The following CXXC4 variants were observed in gnomAD, a reference collection of about 807,000 sequenced individuals.
CXXC4 encodes the protein CXXC finger protein 4.
CXXC4 carries 5 observed loss-of-function variants against 20.5 expected under a neutral mutation model. The ratio of observed to expected loss-of-function variants is 0.24; its 90% CI spans 0.13 to 0.51. The LOEUF (loss-of-function observed/expected upper bound fraction) is 0.51, where lower values mean the gene tolerates loss of function less well. Among genes scored for constraint, CXXC4 ranks in the 20% least tolerant of loss-of-function variants. The pLI, the probability that CXXC4 is intolerant of heterozygous loss-of-function variation, is 0.97. For synonymous variants in CXXC4, 250 were observed against 216.4 expected (o/e 1.16, Z -1.36); for missense variants, 419 against 496.4 (o/e 0.84, Z 1.48).
In CXXC4 at chr4:104,490,968, C is replaced by T; in HGVS notation, c.835G>A (p.Asp279Asn). 2 of 1,614,064 alleles carry T rather than the reference C, an allele frequency of 1.2e-6. No individual in the cohort carries two copies. Among genetic ancestry groups the T allele is most frequent in the Non-Finnish European group, 1.7e-6 (2 of 1,180,018 alleles). The change falls in exon 2 of 3, where the codon GAC becomes AAC. Residue 279 changes from aspartate to asparagine, a missense_variant. Around this residue, in one of 3 missense-constraint regions of CXXC4, gnomAD observed 388 missense variants for 416.0 expected, o/e 0.93. Coordinates refer to ENST00000394767, the MANE Select transcript of CXXC4 (RefSeq NM_025212.4). ...GAGGAGGAATGATTCTGCGGGCAGT[C>T]TGCCAGATTGGCAATTTGAAACGCA... ...DSAFQIANLA[D>N]CPQNHSSSSS...
In CXXC4 at chr4:104,491,982, T is replaced by G; in HGVS notation, c.-180A>C. On this transcript the variant is annotated 5_prime_UTR_variant, in exon 2 of 3. Transcript: ENST00000394767. ...GAGAGCAAGGTGAGGGCTGCTTTAT[T>G]CCTCTCTGGGGCTCATTTCCACAGA... 2.4e-6 allele frequency: 1 copy of G among 420,828 alleles called. No individual in the cohort carries two copies. Among genetic ancestry groups the G allele is most frequent in the Non-Finnish European group, 4.2e-6 (1 of 238,956 alleles). The allele number at this position is 420,828 out of a possible 1,614,324, so 26.1% of individuals were successfully genotyped here. A position where few individuals can be genotyped will look rare whatever the true frequency, so the allele number is the denominator to read the frequency against.
rs988490860 is a variant in CXXC4, at chr4:104,469,205, C to T, written c.*3117G>A. The T allele has an allele frequency of 3.3e-5, 5 of 151,966 alleles. No individual in the cohort carries two copies. Among genetic ancestry groups the T allele is most frequent in the East Asian group, 1.9e-4 (1 of 5,184 alleles). 9.4% of individuals were successfully genotyped at this position (151,966 alleles called of 1,614,324 possible). A position where few individuals can be genotyped will look rare whatever the true frequency, so the allele number is the denominator to read the frequency against. On this transcript the variant is annotated 3_prime_UTR_variant, in exon 3 of 3. Transcript: ENST00000394767. ...TCAGAAAGCCACTTTGGTCTGAAGG[C>T]TTAGTGAGAGGTTTGCATTAATGAT...
chr4:104,473,836 C>A (rs934757783), intron 2 of CXXC4, among the ~76,000 whole-genome samples: 6 of 151,864 alleles, frequency 4.0e-5, no homozygotes, highest in African/African-American at 1.4e-4. Context: ...ACACAAAATT[C>A]TGCTAAAAAC....
chr4:104,491,876 G>A lies in CXXC4; in HGVS notation c.-74C>T, dbSNP rs1736892239. ...GTCCGACACCTGGGTGGAAAAGGGG[G>A]AAAGGTGGGGGGGAGGGAAGGGAGT... On this transcript the variant is annotated 5_prime_UTR_variant, in exon 2 of 3. Transcript: ENST00000394767. 1 of 197,256 alleles carries A rather than the reference G, an allele frequency of 5.1e-6. No homozygotes were observed. Among genetic ancestry groups the A allele is most frequent in the Non-Finnish European group, 8.1e-6 (1 of 123,188 alleles). 12.2% of individuals were successfully genotyped at this position (197,256 alleles called of 1,614,324 possible). A position where few individuals can be genotyped will look rare whatever the true frequency, so the allele number is the denominator to read the frequency against.
intron 2 of CXXC4, among the ~76,000 whole-genome samples, chr4:104,472,650 TA>T (rs1736305330): frequency 6.6e-6 from 1 of 151,930 alleles, no homozygotes; most frequent in Admixed American, 6.6e-5. Context: ...AGAATAAAGG[TA>T]AAGTTCAACC....
chr4:104,486,209 A>G (rs968190494), intron 2 of CXXC4, among the ~76,000 whole-genome samples: 1 of 152,118 alleles, frequency 6.6e-6, no homozygotes, highest in Non-Finnish European at 1.5e-5. Flanking sequence ...AAGTATTAAA[A>G]ATGTATGTAC....
In CXXC4 at chr4:104,491,072, C is replaced by T. The variant is rs752708689; in HGVS notation, c.731G>A (p.Gly244Asp). 6.2e-7 allele frequency: 1 copy of T among 1,614,024 alleles called. No homozygotes were observed. Among genetic ancestry groups the T allele is most frequent in the African/African-American group, 1.3e-5 (1 of 75,006 alleles). Residue 244 changes from glycine (G) to aspartate (D), a missense_variant, in exon 2 of 3, where the codon GGC (glycine) becomes GAC (aspartate). This residue lies in a region of CXXC4 where 388 missense variants were observed against 416.0 expected (regional missense o/e 0.93). Transcript: ENST00000394767. ...GTFSAIPALG[G>D]ISLPPGVIVM... ...GATGACCCCTGGAGGTAATGAGATGCCCCCTAAAGCCGGGATAGCGGAAAA... is the reference window on the plus strand; with the variant it reads ...GATGACCCCTGGAGGTAATGAGATGTCCCCTAAAGCCGGGATAGCGGAAAA...
chr4:104,468,815 C>G lies in CXXC4; in HGVS notation c.*3507G>C, dbSNP rs192477980. The G allele has an allele frequency of 6.6e-6, 1 of 151,774 alleles. No homozygotes were observed. Among genetic ancestry groups the G allele is most frequent in the East Asian group, 1.9e-4 (1 of 5,184 alleles). The allele number at this position is 151,774 out of a possible 1,614,324, so 9.4% of individuals were successfully genotyped here. On this transcript the variant is annotated 3_prime_UTR_variant, in exon 3 of 3. Transcript: ENST00000394767. ...CGGCTTTTTGCTGAACATATTTGAC[C>G]CTGAATAGTGTGTTCATTTAACTGC...
At chr4:104,487,330 C>G (rs1046401058) in intron 2 of CXXC4, among the ~76,000 whole-genome samples, 1 of 152,132 alleles carries the variant, frequency 6.6e-6, no homozygotes, top group African/African-American at 2.4e-5. Flanking sequence ...GAAACCAGAT[C>G]TGTGTGGTCT....
At chr4:104,478,567 T>C (rs1458786627) in intron 2 of CXXC4, among the ~76,000 whole-genome samples, 1 of 152,140 alleles carries the variant, frequency 6.6e-6, no homozygotes, top group African/African-American at 2.4e-5. Context: ...TATATAATTA[T>C]ATTTCAGTTA....
chr4:104,478,831 G>T (rs946906036), intron 2 of CXXC4, among the ~76,000 whole-genome samples: 3 of 151,888 alleles, frequency 2.0e-5, no homozygotes, highest in Non-Finnish European at 4.4e-5. Context: ...GTAAAATTAA[G>T]ATTTAAAAAG....
chr4:104,490,606 C>T (rs1578322996), intron 2 of CXXC4, 138 bp downstream of exon 2: 1 of 812,122 alleles, frequency 1.2e-6, no homozygotes, highest in East Asian at 2.5e-5. Flanking sequence ...TTTCGCAAAC[C>T]ACCTACAACT....
Position 104,491,561 on chromosome 4 carries a change from G to C in CXXC4, c.242C>G (p.Ala81Gly). The C allele has an allele frequency of 6.6e-7, 1 of 1,509,514 alleles. No individual in the cohort carries two copies. Among genetic ancestry groups the C allele is most frequent in the Non-Finnish European group, 8.9e-7 (1 of 1,128,428 alleles). 93.5% of individuals were successfully genotyped at this position (1,509,514 alleles called of 1,614,324 possible). A position where few individuals can be genotyped will look rare whatever the true frequency, so the allele number is the denominator to read the frequency against. The change falls in exon 2 of 3, where the codon GCC becomes GGC. Residue 81 changes from alanine to glycine, a missense_variant. Ala to Gly is a moderately conservative substitution (Grantham distance 60). Around this residue, in one of 3 missense-constraint regions of CXXC4, gnomAD observed 388 missense variants for 416.0 expected, o/e 0.93. Transcript: ENST00000394767. ...CCAGGGGGACATGCCGATGCGCGCG[G>C]CGGCCGCGGCGGCGGCGGCGCTGCT... ...FPSSAAAAAA[A>G]ARIGMSPWNC...
chr4:104,491,349 T>C lies in CXXC4; in HGVS notation c.454A>G (p.Ile152Val), dbSNP rs1219483065. 2.9e-5 allele frequency: 44 copies of C among 1,509,000 alleles called. No homozygotes were observed. The highest frequency in any genetic ancestry group is 3.7e-5 in the South Asian group (3 of 80,074). The allele number at this position is 1,509,000 out of a possible 1,614,324, so 93.5% of individuals were successfully genotyped here. A position where few individuals can be genotyped will look rare whatever the true frequency, so the allele number is the denominator to read the frequency against. Residue 152 changes from isoleucine (I) to valine (V), a missense_variant, in exon 2 of 3, where the codon ATC (isoleucine) becomes GTC (valine). Physicochemically the swap from Ile to Val is conservative, Grantham distance 29. This residue lies in a region of CXXC4 where 388 missense variants were observed against 416.0 expected (regional missense o/e 0.93). Coordinates refer to ENST00000394767, the MANE Select transcript of CXXC4 (RefSeq NM_025212.4). Reference protein sequence around the residue: ...ASSSASSSSAILPAGGGGGGG... With the variant: ...ASSSASSSSAVLPAGGGGGGG... ...CCGCCGCCACCGCCGGCGGGGAGGA[T>C]CGCCGAGGAGGAGGAGGCGGAGGAG...
At chr4:104,478,175 G>T (rs1049221276) in intron 2 of CXXC4, among the ~76,000 whole-genome samples, 22 of 152,144 alleles carry the variant, frequency 1.4e-4, no homozygotes, top group Admixed American at 1.4e-3. Context: ...TCCCTTGGCT[G>T]TTGCTCCTGT....
At chr4:104,488,466 A>G (rs1486519977) in intron 2 of CXXC4, among the ~76,000 whole-genome samples, 1 of 152,224 alleles carries the variant, frequency 6.6e-6, no homozygotes, top group Non-Finnish European at 1.5e-5. Context: ...CAATTTTGAA[A>G]AAAAGCTTTT....
At chr4:104,493,054 G>A (rs1270924335) in intron 1 of CXXC4, among the ~76,000 whole-genome samples, 1 of 148,864 alleles carries the variant, frequency 6.7e-6, no homozygotes, top group Non-Finnish European at 1.5e-5. Context: ...TAAAAGGGGG[G>A]GGGGCTTTAA....
At chr4:104,479,787 C>T (rs1021320259) in intron 2 of CXXC4, among the ~76,000 whole-genome samples, 2 of 147,892 alleles carry the variant, frequency 1.4e-5, no homozygotes, top group African/African-American at 2.5e-5. Flanking sequence ...CCCTCCCTCC[C>T]TCTGTTCCTC....
rs573523406 is a variant in CXXC4, at chr4:104,468,427, C to G, written c.*3895G>C. On this transcript the variant is annotated 3_prime_UTR_variant, in exon 3 of 3. Coordinates refer to ENST00000394767, the MANE Select transcript of CXXC4 (RefSeq NM_025212.4). Reference sequence around the variant, plus strand: ...TTTTTTTACAGTTTTGTACATGCCCCATAAGTAATTTTCTTTAATAAATAC... The same window carrying G: ...TTTTTTTACAGTTTTGTACATGCCCGATAAGTAATTTTCTTTAATAAATAC... 6.7e-6 allele frequency: 1 copy of G among 149,320 alleles called. No homozygotes were observed. Among genetic ancestry groups the G allele is most frequent in the East Asian group, 1.9e-4 (1 of 5,132 alleles). The allele number at this position is 149,320 out of a possible 1,614,324, so 9.2% of individuals were successfully genotyped here. A position where few individuals can be genotyped will look rare whatever the true frequency, so the allele number is the denominator to read the frequency against.
Sources: allele counts gnomAD v4.1 joint callset (sites outside exome capture counted in the v4.1 genomes callset), GRCh38; gene constraint gnomAD v4.1.1; regional missense constraint gnomAD v4.1.1; transcripts MANE v1.5; gene names NCBI Gene and HGNC (gene_info 2026-07-23, HGNC 2026-07-21).